The following PLXNB2 variants were observed in gnomAD, a reference collection of about 807,000 sequenced individuals.
The protein encoded by PLXNB2 is plexin-B2.
In PLXNB2, 85 loss-of-function variants were observed where a neutral mutation model predicts 202.6. That is an observed-to-expected ratio of 0.42 (90% CI 0.35 to 0.50). The LOEUF (loss-of-function observed/expected upper bound fraction) is 0.50, where lower values mean the gene tolerates loss of function less well. Ranked by LOEUF, PLXNB2 falls within the 20% of genes least tolerant of loss-of-function variation. The pLI, the probability that PLXNB2 is intolerant of heterozygous loss-of-function variation, is 0.02. For synonymous variants in PLXNB2, 1,239 were observed against 1,137.6 expected (o/e 1.09, Z -1.79); for missense variants, 2,063 against 2,586.2 (o/e 0.80, Z 4.39).
chr22:50,279,128 G>C (rs1601680797), intron 27 of PLXNB2, 117 bp from the exon 28 acceptor site: 1 of 1,045,876 alleles, frequency 9.6e-7, no homozygotes, highest in Non-Finnish European at 1.4e-6. Context: ...TGGGCAGCAG[G>C]CCCCCGCCAG....
At position 50,288,077 on chromosome 22, in the gene PLXNB2, C is replaced by A. The variant is rs1569171438; in HGVS notation, c.1381-40G>T. 6.8e-7 allele frequency: 1 copy of A among 1,467,672 alleles called. No individual in the cohort carries two copies. Among genetic ancestry groups the A allele is most frequent in the Non-Finnish European group, 9.3e-7 (1 of 1,074,738 alleles). The allele number at this position is 1,467,672 out of a possible 1,614,324, so 90.9% of individuals were successfully genotyped here. Reference sequence around the variant, plus strand: ...CCGTGAGTGGGACCACAGCAGAGGCCGCACGGGCCTTCCGCAGACCCCAGA... The same window carrying A: ...CCGTGAGTGGGACCACAGCAGAGGCAGCACGGGCCTTCCGCAGACCCCAGA... On this transcript the variant is annotated intron_variant, in intron 5 of 36. Coordinates refer to ENST00000359337, the MANE Select transcript of PLXNB2 (RefSeq NM_012401.4). The surrounding 1 kb of genome is among the most constrained non-coding windows in gnomAD (Gnocchi z 5.0).
rs920837059 is a variant in PLXNB2, at chr22:50,287,693, T to C, written c.1582A>G (p.Asn528Asp). ...TCCCCCTGGGCCCGCCGGCTCATGT[T>C]CTGTGGCTGGGCGCTGGTGACGGCC... Reference protein sequence around the residue: ...CVAVTSAQPQNMSRRAQGEVQ... With the variant: ...CVAVTSAQPQDMSRRAQGEVQ... Residue 528 changes from asparagine to aspartate, a missense_variant, in exon 7 of 37, where the codon AAC becomes GAC. Around this residue, in one of 2 missense-constraint regions of PLXNB2, gnomAD observed 1,303 missense variants for 1,476.8 expected, o/e 0.88. Transcript: ENST00000359337. 1 of 1,555,938 alleles carries C rather than the reference T, an allele frequency of 6.4e-7. No homozygotes were observed. The highest frequency in any genetic ancestry group is 8.7e-7 in the Non-Finnish European group (1 of 1,155,026).
rs1206290787 is a variant in PLXNB2 at position 50,284,787 on chromosome 22, GCCCGCCCCTCAGATT to G, written c.2089-137_2089-123del. On this transcript the variant is annotated intron_variant, in intron 11 of 36. Transcript: ENST00000359337. This position sits in a 1 kb window ranked among gnomAD's most constrained non-coding sequence, Gnocchi z 8.0. ...GGAGCCCTCTCCTCACCCCACACAT[GCCCGCCCCTCAGATT>G]ACCATGCCAGCTGACCCCTCGGCCA... 11 of 800,092 alleles carry G rather than the reference GCCCGCCCCTCAGATT, an allele frequency of 1.4e-5. No individual in the cohort carries two copies. The highest frequency in any genetic ancestry group is 2.5e-5 in the Non-Finnish European group (11 of 442,412). The allele number at this position is 800,092 out of a possible 1,614,324, so 49.6% of individuals were successfully genotyped here. A position where few individuals can be genotyped will look rare whatever the true frequency, so the allele number is the denominator to read the frequency against.
Position 50,281,914 on chromosome 22 carries a change from G to A in PLXNB2, c.3285C>T (p.Pro1095=). The change falls in exon 20 of 37, where the codon CCC becomes CCT. Residue 1095 remains proline, a synonymous_variant. Transcript: ENST00000359337. ...EAGAFEYVPD[P]TFENFTGGVK... The stretch of plus-strand genomic sequence containing the variant: ...CGCCACCTGTGAAGTTCTCAAAGGT[G>A]GGGTCAGGCACGTACTCGAAGGCCC... 6 of 1,613,132 alleles carry A rather than the reference G, an allele frequency of 3.7e-6. No individual in the cohort carries two copies. Among genetic ancestry groups the A allele is most frequent in the Non-Finnish European group, 4.2e-6 (5 of 1,180,004 alleles).
Position 50,284,621 on chromosome 22 carries a change from C to T in PLXNB2, c.2133G>A (p.Glu711=). Residue 711 remains glutamate, a synonymous_variant, in exon 12 of 37, where the codon GAG becomes GAA. Coordinates refer to ENST00000359337, the MANE Select transcript of PLXNB2 (RefSeq NM_012401.4). The surrounding 1 kb of genome is among the most constrained non-coding windows in gnomAD (Gnocchi z 8.0). ...HVGSDLLKFM[E]PVTMQESGTF... is the part of the protein sequence containing the mutation. ...TCCCAGATTCCTGCATGGTCACCGGCTCCATGAACTTGAGCAAGTCACTGC... is the reference window on the plus strand; with the variant it reads ...TCCCAGATTCCTGCATGGTCACCGGTTCCATGAACTTGAGCAAGTCACTGC... 6 of 1,612,632 alleles carry T rather than the reference C, an allele frequency of 3.7e-6. No individual in the cohort carries two copies. Among genetic ancestry groups the T allele is most frequent in the Non-Finnish European group, 5.1e-6 (6 of 1,179,648 alleles).
rs753284536 is a variant in PLXNB2, at chr22:50,289,493, G to A, written c.1068+24C>T. The A allele has an allele frequency of 1.0e-5, 16 of 1,581,434 alleles. No individual in the cohort carries two copies. The highest frequency in any genetic ancestry group is 3.5e-5 in the Admixed American group (2 of 56,498). Reference sequence around the variant, plus strand: ...AACGGACGCCTGCAGTCCGGGCCCTGCGAGAACACACTGAGGCCCATACCG... The same window carrying A: ...AACGGACGCCTGCAGTCCGGGCCCTACGAGAACACACTGAGGCCCATACCG... On this transcript the variant is annotated intron_variant, in intron 3 of 36. Transcript: ENST00000359337. This position sits in a 1 kb window ranked among gnomAD's most constrained non-coding sequence, Gnocchi z 8.0.
rs750788046 is a variant in PLXNB2 at position 50,290,207 on chromosome 22, G to C, written c.378C>G (p.Ser126Arg). ...CGTAGAACAGGCGGAGGGAGATGTTGCTCAGGGCGCGCAGAGCGCAGATGC... is the reference window on the plus strand; with the variant it reads ...CGTAGAACAGGCGGAGGGAGATGTTCCTCAGGGCGCGCAGAGCGCAGATGC... ...FKGICALRAL[S>R]NISLRLFYED... Residue 126 changes from serine (S) to arginine (R), a missense_variant, in exon 3 of 37, where the codon AGC (serine) becomes AGG (arginine). This residue lies in a region of PLXNB2 where 1,303 missense variants were observed against 1,476.8 expected (regional missense o/e 0.88). Transcript: ENST00000359337. The C allele has an allele frequency of 1.9e-6, 3 of 1,612,356 alleles. No individual in the cohort carries two copies. The highest frequency in any genetic ancestry group is 1.7e-6 in the Non-Finnish European group (2 of 1,180,010).
At chr22:50,286,829 G>A (rs2066490726) in intron 8 of PLXNB2, among the ~76,000 whole-genome samples, 1 of 152,180 alleles carries the variant, frequency 6.6e-6, no homozygotes, top group African/African-American at 2.4e-5. Flanking sequence ...CTGGCGCCTG[G>A]CACCCACATG....
chr22:50,293,325 G>A (rs2067018550), intron 2 of PLXNB2, among the ~76,000 whole-genome samples: 1 of 152,188 alleles, frequency 6.6e-6, no homozygotes, highest in African/African-American at 2.4e-5. Context: ...CCCTACCAGG[G>A]AGGAGCAGCG....
In PLXNB2 at chr22:50,289,544, G is replaced by A. The variant is rs755261337; in HGVS notation, c.1041C>T (p.Gly347=). ...GCGCGTGGCCGCCGCACTGGATATC[G>A]CCGTGGAAGGGCTTGTAGAAGATGT... The part of the protein sequence containing the change: ...ARDIFYKPFH[G]DIQCGGHAPG... Residue 347 remains glycine, a synonymous_variant, in exon 3 of 37, where the codon GGC becomes GGT. Transcript: ENST00000359337. The surrounding 1 kb of genome is among the most constrained non-coding windows in gnomAD (Gnocchi z 8.0). 4.6e-5 allele frequency: 74 copies of A among 1,611,562 alleles called. 1 individual carries two copies. The highest frequency in any genetic ancestry group is 3.5e-4 in the South Asian group (32 of 91,052).
At chr22:50,302,516 G>A (rs887343418) in intron 1 of PLXNB2, among the ~76,000 whole-genome samples, 1 of 152,060 alleles carries the variant, frequency 6.6e-6, no homozygotes, top group Admixed American at 6.5e-5. Flanking sequence ...GTCTAGATGT[G>A]GAACTGGGGG....
intron 1 of PLXNB2, among the ~76,000 whole-genome samples, 179 bp downstream of exon 1, chr22:50,307,374 G>A (rs1348289454): frequency 1.3e-5 from 2 of 151,554 alleles, no homozygotes; most frequent in Non-Finnish European, 2.9e-5. Flanking sequence ...GCAGCGGCCC[G>A]GGCCTCGCCG....
In PLXNB2 at chr22:50,275,570, C is replaced by G. The variant is rs2065487105; in HGVS notation, c.*134G>C. On this transcript the variant is annotated 3_prime_UTR_variant, in exon 37 of 37. Transcript: ENST00000359337. ...AGTCTAGACGCTGGGCGGGTTCCGG[C>G]TGCACCCACTCCGGCTTGGGGCGCG... 3.0e-6 allele frequency: 2 copies of G among 663,710 alleles called. No homozygotes were observed. The allele number at this position is 663,710 out of a possible 1,614,324, so 41.1% of individuals were successfully genotyped here. A position where few individuals can be genotyped will look rare whatever the true frequency, so the allele number is the denominator to read the frequency against.
At chr22:50,277,564 C>T in intron 33 of PLXNB2, 27 bp downstream of exon 33, 1 of 1,541,568 alleles carries the variant, frequency 6.5e-7, no homozygotes, top group African/African-American at 1.4e-5. Flanking sequence ...GGCCTCCCTG[C>T]CCCAGACCTG....
chr22:50,276,321 C>A (rs549245792), intron 35 of PLXNB2, among the ~76,000 whole-genome samples: 12 of 1,984 alleles, frequency 6.0e-3, no homozygotes, highest in East Asian at 0.013. Flanking sequence ...TGGATGGAGC[C>A]GCAGGGAGGG....
intron 25 of PLXNB2, 25 bp from the exon 26 acceptor site, chr22:50,280,096 C>G (rs759859101): frequency 4.5e-5 from 70 of 1,561,382 alleles, no homozygotes; most frequent in Non-Finnish European, 5.8e-5. Context: ...AGGCCTTGTA[C>G]CGAGTGACCC....
At chr22:50,278,076 C>T (rs373678698) in intron 31 of PLXNB2, 41 bp downstream of exon 31, 20 of 1,602,600 alleles carry the variant, frequency 1.2e-5, no homozygotes, top group Admixed American at 1.7e-5. Flanking sequence ...AGGGTCTCAG[C>T]GTGGCGGCCT....
rs1383023136 is a variant in PLXNB2 at position 50,280,926 on chromosome 22, C to T, written c.3811G>A (p.Gly1271Ser). ...GTCTTGTAGTCCAGCACGGGGATGC[C>T]GGCCTCGTGCACGTCGTTGGTCTGG... The part of the protein sequence containing the change: ...EDQTNDVHEA[G>S]IPVLDYKTYT... The change falls in exon 24 of 37, where the codon GGC becomes AGC. Residue 1271 changes from glycine to serine, a missense_variant. Around this residue, in one of 2 missense-constraint regions of PLXNB2, gnomAD observed 760 missense variants for 1,109.4 expected, o/e 0.69. Coordinates refer to ENST00000359337, the MANE Select transcript of PLXNB2 (RefSeq NM_012401.4). 7 of 1,612,942 alleles carry T rather than the reference C, an allele frequency of 4.3e-6. No individual in the cohort carries two copies. Among genetic ancestry groups the T allele is most frequent in the Non-Finnish European group, 2.5e-6 (3 of 1,179,822 alleles).
rs1482201696 is a variant in PLXNB2 at position 50,280,822 on chromosome 22, AG to A, written c.3914del (p.Pro1305LeufsTer19). On this transcript the variant is annotated frameshift_variant, in exon 24 of 37. Coordinates refer to ENST00000359337, the MANE Select transcript of PLXNB2 (RefSeq NM_012401.4). LOFTEE classifies it high-confidence loss of function. ...GCTCCACCACCGGCCGCCGCGGCTC[AG>A]GGATGTCCAGCTTGCCGGTGATCAT... ...DVMITGKLDI[P>X]EPRRPVVEQA... is the part of the protein sequence containing the mutation. The A allele has an allele frequency of 6.2e-7, 1 of 1,612,528 alleles. No homozygotes were observed. Among genetic ancestry groups the A allele is most frequent in the Non-Finnish European group, 8.5e-7 (1 of 1,179,646 alleles).
Sources: allele counts gnomAD v4.1 joint callset (sites outside exome capture counted in the v4.1 genomes callset), GRCh38; gene constraint gnomAD v4.1.1; regional missense constraint gnomAD v4.1.1; non-coding constraint Gnocchi (gnomAD v3.1); transcripts MANE v1.5; gene names NCBI Gene and HGNC (gene_info 2026-07-23, HGNC 2026-07-21).